SLK: variants seen among roughly 807,000 people sequenced by gnomAD.
SLK encodes the protein STE20-like serine/threonine-protein kinase.
In SLK, 67 loss-of-function variants were observed where a neutral mutation model predicts 147.7. The ratio of observed to expected loss-of-function variants is 0.45; its 90% CI spans 0.37 to 0.56. The LOEUF (loss-of-function observed/expected upper bound fraction) is 0.56. Ranked by LOEUF, SLK falls within the 20% of genes least tolerant of loss-of-function variation. The pLI is 0.00. For missense variants in SLK, 1,136 were observed against 1,438.8 expected, an observed-to-expected ratio of 0.79 and a Z score of 3.41; for synonymous variants, 441 against 475.0, an observed-to-expected ratio of 0.93 and a Z score of 0.93.
intron 18 of SLK, among the ~76,000 whole-genome samples, chr10:104,022,905 G>C (rs189252661): frequency 6.6e-6 from 1 of 152,232 alleles, no homozygotes; most frequent in East Asian, 1.9e-4. Flanking sequence ...ACCATGCCCG[G>C]CCCATAGTGT....
Position 104,008,172 on chromosome 10 carries a change from T to C in SLK, c.2605-5T>C, listed in dbSNP as rs1477690761. Reference sequence around the variant, plus strand: ...GTTATCATCTTGAGCTATATTGTTTTACAGAGTAAAAAGCGACAATATGAC... The same window carrying C: ...GTTATCATCTTGAGCTATATTGTTTCACAGAGTAAAAAGCGACAATATGAC... On this transcript the variant is annotated splice_region_variant and splice_polypyrimidine_tract_variant and intron_variant, in intron 11 of 18. Coordinates refer to ENST00000369755, the MANE Select transcript of SLK (RefSeq NM_014720.4). 4.3e-6 allele frequency: 7 copies of C among 1,609,568 alleles called. No homozygotes were observed. The highest frequency in any genetic ancestry group is 5.9e-6 in the Non-Finnish European group (7 of 1,178,096).
chr10:104,022,611 TTTTG>T (rs1304188518), intron 18 of SLK, among the ~76,000 whole-genome samples: 4 of 152,210 alleles, frequency 2.6e-5, no homozygotes, highest in South Asian at 2.1e-4. Context: ...TAGTGTGGCT[TTTTG>T]TTTGTTTGTT....
chr10:104,018,640 A>G (rs1589546808), intron 14 of SLK, 144 bp from the exon 15 acceptor site: 3 of 783,686 alleles, frequency 3.8e-6, no homozygotes, highest in Middle Eastern at 6.2e-4. Context: ...CATTGGTTAC[A>G]GTTGCACTTG....
At chr10:103,992,455 T>A in intron 2 of SLK, 143 bp from the exon 3 acceptor site, 1 of 713,578 alleles carries the variant, frequency 1.4e-6, no homozygotes, top group East Asian at 2.9e-5. Context: ...TTTGACAAAA[T>A]CTTCGTTTAG....
At chr10:104,000,453 A>G (rs1844230532) in intron 7 of SLK, among the ~76,000 whole-genome samples, 1 of 152,228 alleles carries the variant, frequency 6.6e-6, no homozygotes, top group South Asian at 2.1e-4. Flanking sequence ...TAACTCCATC[A>G]TAGTGTTTTA....
chr10:104,010,666 C>G, intron 12 of SLK, 150 bp from the exon 13 acceptor site: 1 of 447,270 alleles, frequency 2.2e-6, no homozygotes. Context: ...TTCTTTCATT[C>G]TTTTTCACCA....
Position 104,028,765 on chromosome 10 carries a change from C to T in SLK, c.*3045C>T, listed in dbSNP as rs560582034. 6.6e-6 allele frequency: 1 copy of T among 152,148 alleles called. No homozygotes were observed. The highest frequency in any genetic ancestry group is 1.5e-5 in the Non-Finnish European group (1 of 68,032). The allele number at this position is 152,148 out of a possible 1,614,324, so 9.4% of individuals were successfully genotyped here. The stretch of plus-strand genomic sequence containing the variant: ...CCCATTCCACACTGTGCTTAAATGA[C>T]AAAGACTCTTCTGAGAAGCCAAATT... On this transcript the variant is annotated 3_prime_UTR_variant, in exon 19 of 19. Coordinates refer to ENST00000369755, the MANE Select transcript of SLK (RefSeq NM_014720.4).
In SLK at chr10:103,992,578, T is replaced by C; in HGVS notation, c.316-20T>C. ...CATGTAGTTTTAGACACACGCTTTT[T>C]TTTTTTTTTTTGCATGCAGATCCTC... On this transcript the variant is annotated intron_variant, in intron 2 of 18. Transcript: ENST00000369755. 1 of 1,500,476 alleles carries C rather than the reference T, an allele frequency of 6.7e-7. No homozygotes were observed. Among genetic ancestry groups the C allele is most frequent in the Non-Finnish European group, 9.0e-7 (1 of 1,114,842 alleles). The allele number at this position is 1,500,476 out of a possible 1,614,324, so 92.9% of individuals were successfully genotyped here.
rs1844364143 is a variant in SLK, at chr10:104,008,905, T to C, written c.2784+549T>C. Among the ~76,000 whole-genome samples the C allele has an allele frequency of 3.3e-5, 5 of 152,182 alleles. No homozygotes were observed. In the South Asian group the frequency reaches 1.0e-3, roughly 32 times the overall value. On this transcript the variant is annotated intron_variant, in intron 12 of 18. Transcript: ENST00000369755. ...CAAACAAAAGCTGAATAACCTGAAA[T>C]TTGACATGCTATCTATAACTCATCA...
intron 11 of SLK, 34 bp from the exon 12 acceptor site, chr10:104,008,142 GA>G: frequency 6.5e-7 from 1 of 1,549,540 alleles, no homozygotes; most frequent in Non-Finnish European, 8.8e-7. Context: ...ATGGGTGATG[GA>G]AAAGTTATCA....
At position 104,029,166 on chromosome 10, in the gene SLK, A is replaced by G. The variant is rs970775516; in HGVS notation, c.*3446A>G. Reference sequence around the variant, plus strand: ...TTGTTTAAGATTATGCCTCTTATCTACTTGAGAGCAACATGTCTTTTCAAT... The same window carrying G: ...TTGTTTAAGATTATGCCTCTTATCTGCTTGAGAGCAACATGTCTTTTCAAT... On this transcript the variant is annotated 3_prime_UTR_variant, in exon 19 of 19. Coordinates refer to ENST00000369755, the MANE Select transcript of SLK (RefSeq NM_014720.4). The G allele has an allele frequency of 1.3e-5, 2 of 152,222 alleles. No individual in the cohort carries two copies. Among genetic ancestry groups the G allele is most frequent in the East Asian group, 3.8e-4 (2 of 5,200 alleles). The allele number at this position is 152,222 out of a possible 1,614,324, so 9.4% of individuals were successfully genotyped here. A position where few individuals can be genotyped will look rare whatever the true frequency, so the allele number is the denominator to read the frequency against.
chr10:103,974,125 C>A (rs1407761923), intron 1 of SLK, among the ~76,000 whole-genome samples: 1 of 152,120 alleles, frequency 6.6e-6, no homozygotes, highest in Non-Finnish European at 1.5e-5. Flanking sequence ...TCCTTTCAAT[C>A]CAAAGACTTA....
intron 2 of SLK, among the ~76,000 whole-genome samples, chr10:103,991,527 T>A (rs187797979): frequency 6.2e-4 from 95 of 152,190 alleles, no homozygotes; most frequent in African/African-American, 2.1e-3. Context: ...GTATAAGGAA[T>A]ACCTGACTGG....
chr10:103,968,070 G>A (rs533981922), intron 1 of SLK, among the ~76,000 whole-genome samples, 175 bp downstream of exon 1: 1 of 152,312 alleles, frequency 6.6e-6, no homozygotes, highest in Admixed American at 6.5e-5. Context: ...CGGGTTTACG[G>A]TGGAACAAAA....
intron 4 of SLK, among the ~76,000 whole-genome samples, chr10:103,994,312 T>C (rs984257861): frequency 6.6e-6 from 1 of 152,212 alleles, no homozygotes; most frequent in African/African-American, 2.4e-5. Flanking sequence ...CAGAAGCTCT[T>C]CCGTATGCCC....
chr10:104,024,339 G>A (rs904026424), intron 18 of SLK, among the ~76,000 whole-genome samples: 7 of 152,174 alleles, frequency 4.6e-5, no homozygotes, highest in African/African-American at 1.7e-4. Flanking sequence ...TCTTGACACT[G>A]TCATACTGAT....
chr10:103,975,610 A>G (rs994613323), intron 1 of SLK, among the ~76,000 whole-genome samples: 8 of 152,160 alleles, frequency 5.3e-5, no homozygotes, highest in African/African-American at 1.7e-4. Context: ...ATCATTTAAT[A>G]TATTCCTTTG....
chr10:104,022,538 A>G (rs989901550), intron 18 of SLK, among the ~76,000 whole-genome samples: 5 of 152,170 alleles, frequency 3.3e-5, no homozygotes, highest in African/African-American at 1.2e-4. Context: ...CATCCATACA[A>G]TCAGTCAAGG....
At chr10:103,996,086 T>A (rs1363562981) in intron 4 of SLK, among the ~76,000 whole-genome samples, 2 of 152,196 alleles carry the variant, frequency 1.3e-5, no homozygotes, top group Non-Finnish European at 2.9e-5. Context: ...ATGTTGGTTA[T>A]CTGAAGCTCA....
Sources: allele counts gnomAD v4.1 joint callset (sites outside exome capture counted in the v4.1 genomes callset), GRCh38; gene constraint gnomAD v4.1.1; transcripts MANE v1.5; gene names NCBI Gene and HGNC (gene_info 2026-07-23, HGNC 2026-07-21).